The following ITGAD variants were observed in gnomAD, a reference collection of about 807,000 sequenced individuals.
ITGAD encodes the protein integrin alpha-D.
ITGAD carries 105 observed loss-of-function variants against 139.0 expected under a neutral mutation model. The ratio of observed to expected loss-of-function variants is 0.76; its 90% CI spans 0.65 to 0.89. The LOEUF (loss-of-function observed/expected upper bound fraction) is 0.89, where lower values mean the gene tolerates loss of function less well. ITGAD is among the 40% of genes least tolerant of loss of function. The pLI, the probability that ITGAD is intolerant of heterozygous loss-of-function variation, is 0.00. For synonymous variants in ITGAD, 569 were observed against 598.3 expected (o/e 0.95, Z 0.71); for missense variants, 1,384 against 1,487.3 (o/e 0.93, Z 1.14).
At position 31,408,485 on chromosome 16, in the gene ITGAD, C is replaced by T; in HGVS notation, c.1070C>T (p.Thr357Ile). The stretch of plus-strand genomic sequence containing the variant: ...GAGATGTCCCAAGAAGGCTTCAGCA[C>T]AGCCCTCACAATGGTGGGTAGAGCC... ...QHEMSQEGFS[T>I]ALTMDGLFLG... The change falls in exon 10 of 30, where the codon ACA becomes ATA. Residue 357 changes from threonine to isoleucine, a missense_variant. Transcript: ENST00000389202. 2 of 1,613,952 alleles carry T rather than the reference C, an allele frequency of 1.2e-6. No homozygotes were observed. The highest frequency in any genetic ancestry group is 2.7e-5 in the African/African-American group (2 of 75,056).
chr16:31,395,526 C>A (rs1410741709), intron 2 of ITGAD, among the ~76,000 whole-genome samples: 3 of 152,130 alleles, frequency 2.0e-5, no homozygotes, highest in East Asian at 1.9e-4. Context: ...TCTGGGAGTA[C>A]CCCGAGGGAG....
chr16:31,424,355 TC>T, intron 28 of ITGAD, 111 bp from the exon 29 acceptor site: 2 of 1,246,014 alleles, frequency 1.6e-6, no homozygotes, highest in East Asian at 4.7e-5. Context: ...TGCTACTGTG[TC>T]TCACTCCTTG....
In ITGAD at chr16:31,397,350, T is replaced by C; in HGVS notation, c.138-9T>C. On this transcript the variant is annotated splice_polypyrimidine_tract_variant and intron_variant, in intron 2 of 29. Coordinates refer to ENST00000389202, the MANE Select transcript of ITGAD (RefSeq NM_005353.3). ...GGCTGCAGTGACATGGCCATGGTTG[T>C]GTCTCCAGACTCGTGGTGGGAGCAC... is the stretch of plus-strand genomic sequence containing the variant. 1 of 1,577,172 alleles carries C rather than the reference T, an allele frequency of 6.3e-7. No homozygotes were observed. The highest frequency in any genetic ancestry group is 8.6e-7 in the Non-Finnish European group (1 of 1,158,658).
At chr16:31,415,092 C>T in intron 18 of ITGAD, 101 bp downstream of exon 18, 1 of 1,379,560 alleles carries the variant, frequency 7.2e-7, no homozygotes, top group South Asian at 1.3e-5. Context: ...ACATCCAGTC[C>T]AGAAACCTGA....
chr16:31,408,459 C>A lies in ITGAD; in HGVS notation c.1044C>A (p.His348Gln). The A allele has an allele frequency of 6.2e-7, 1 of 1,614,086 alleles. No individual in the cohort carries two copies. The highest frequency in any genetic ancestry group is 8.5e-7 in the Non-Finnish European group (1 of 1,179,982). ...CCAGGGCAAGCAGCTCCTTCCAGCA[C>A]GAGATGTCCCAAGAAGGCTTCAGCA... is the stretch of plus-strand genomic sequence containing the variant. ...TQSRASSSFQ[H>Q]EMSQEGFSTA... is the part of the protein sequence containing the mutation. Residue 348 changes from histidine (H) to glutamine (Q), a missense_variant, in exon 10 of 30, where the codon CAC becomes CAA. His to Gln is a conservative substitution (Grantham distance 24). Transcript: ENST00000389202.
rs1159870136 is a variant in ITGAD at position 31,410,720 on chromosome 16, G to A, written c.1214-16G>A. 1.2e-6 allele frequency: 2 copies of A among 1,607,276 alleles called. No homozygotes were observed. The highest frequency in any genetic ancestry group is 2.7e-5 in the African/African-American group (2 of 74,768). On this transcript the variant is annotated splice_polypyrimidine_tract_variant and intron_variant, in intron 11 of 29. Coordinates refer to ENST00000389202, the MANE Select transcript of ITGAD (RefSeq NM_005353.3). ...GGGGGAATGGGGGCCTTTGTGCTGAGGCCTGGGCCCCTCAGGTTACTCCAC... is the reference window on the plus strand; with the variant it reads ...GGGGGAATGGGGGCCTTTGTGCTGAAGCCTGGGCCCCTCAGGTTACTCCAC...
chr16:31,394,258 C>A lies in ITGAD; in HGVS notation c.54C>A (p.Phe18Leu). ...CAGTCCTGGCTTCTTATCATGGATT[C>A]AACCTGGATGTGGAGGAGCCTACGA... is the stretch of plus-strand genomic sequence containing the variant. ...LLSVLASYHG[F>L]NLDVEEPTIF... Residue 18 changes from phenylalanine to leucine, a missense_variant, in exon 2 of 30, where the codon TTC (phenylalanine) becomes TTA (leucine). Phe to Leu is a conservative substitution (Grantham distance 22). Transcript: ENST00000389202. 6.2e-7 allele frequency: 1 copy of A among 1,612,748 alleles called. No individual in the cohort carries two copies. The highest frequency in any genetic ancestry group is 1.1e-5 in the South Asian group (1 of 91,048).
Position 31,418,479 on chromosome 16 carries a change from A to G in ITGAD, c.2697-2A>G. On this transcript the variant is annotated splice_acceptor_variant, in intron 22 of 29. Coordinates refer to ENST00000389202, the MANE Select transcript of ITGAD (RefSeq NM_005353.3). LOFTEE classifies it high-confidence loss of function. ...CCATTGGTCCCTCCTTTCTGTCTCC[A>G]GTGAGAACAATAAGGCTTCAAGCAG... is the stretch of plus-strand genomic sequence containing the variant. 2.5e-6 allele frequency: 4 copies of G among 1,613,548 alleles called. No homozygotes were observed. The highest frequency in any genetic ancestry group is 3.4e-6 in the Non-Finnish European group (4 of 1,179,618).
At chr16:31,399,103 C>T (rs750217028) in intron 5 of ITGAD, among the ~76,000 whole-genome samples, 3 of 152,162 alleles carry the variant, frequency 2.0e-5, no homozygotes, top group Non-Finnish European at 2.9e-5. Flanking sequence ...GGGGACACCA[C>T]CATGACATCT....
chr16:31,422,485 TGAAGGGGCCCTCA>T (rs759579444), intron 23 of ITGAD, among the ~76,000 whole-genome samples: 1 of 152,090 alleles, frequency 6.6e-6, no homozygotes, highest in Non-Finnish European at 1.5e-5. Context: ...ATTCCCACCA[TGAAGGGGCCCTCA>T]CTCCATGTCT....
intron 2 of ITGAD, 149 bp downstream of exon 2, chr16:31,394,490 A>T (rs745324360): frequency 7.0e-6 from 4 of 574,480 alleles, no homozygotes; most frequent in Non-Finnish European, 1.2e-5. Flanking sequence ...TGACATCAGC[A>T]CCTATTATTC....
intron 7 of ITGAD, 110 bp from the exon 8 acceptor site, chr16:31,407,405 A>C (rs2081565044): frequency 9.8e-7 from 1 of 1,022,550 alleles, no homozygotes; most frequent in Admixed American, 2.4e-5. Context: ...GCCTGATAGA[A>C]TGTGAGGGTG....
chr16:31,423,094 C>T lies in ITGAD; in HGVS notation c.2781-20C>T. ...GGGACAGTTTCAGGGCTGTTTTTCACCCACAGGCTCTCTCTCCAGGCAGGA... is the reference window on the plus strand; with the variant it reads ...GGGACAGTTTCAGGGCTGTTTTTCATCCACAGGCTCTCTCTCCAGGCAGGA... On this transcript the variant is annotated intron_variant, in intron 23 of 29. Coordinates refer to ENST00000389202, the MANE Select transcript of ITGAD (RefSeq NM_005353.3). The T allele has an allele frequency of 6.2e-7, 1 of 1,608,582 alleles. No individual in the cohort carries two copies.
chr16:31,424,153 A>G lies in ITGAD; in HGVS notation c.3211A>G (p.Thr1071Ala), dbSNP rs1157057332. ...VVSVAEITFD[T>A]SVYSQLPGQE... Reference sequence around the variant, plus strand: ...GAGTGTGGCTGAAATTACGTTCGACACATCCGTGTACTCCCAGCTTCCAGG... The same window carrying G: ...GAGTGTGGCTGAAATTACGTTCGACGCATCCGTGTACTCCCAGCTTCCAGG... The change falls in exon 28 of 30, where the codon ACA becomes GCA. Residue 1071 changes from threonine (T) to alanine (A), a missense_variant. Thr to Ala is a moderately conservative substitution (Grantham distance 58, BLOSUM62 0). Transcript: ENST00000389202. 1.7e-5 allele frequency: 28 copies of G among 1,614,102 alleles called. No individual in the cohort carries two copies. Among genetic ancestry groups the G allele is most frequent in the Non-Finnish European group, 2.3e-5 (27 of 1,180,056 alleles).
At position 31,411,065 on chromosome 16, in the gene ITGAD, C is replaced by T. The variant is rs1472604552; in HGVS notation, c.1357-11C>T. On this transcript the variant is annotated splice_polypyrimidine_tract_variant and intron_variant, in intron 12 of 29. Transcript: ENST00000389202. ...TGGGACAGGCAGCATGACCCAGGCT[C>T]TGCCCTCCAGATCGGCTCCTACTTC... is the stretch of plus-strand genomic sequence containing the variant. 4 of 1,611,970 alleles carry T rather than the reference C, an allele frequency of 2.5e-6. No homozygotes were observed. Among genetic ancestry groups the T allele is most frequent in the Admixed American group, 3.3e-5 (2 of 59,976 alleles).
In ITGAD at chr16:31,412,913, C is replaced by A. The variant is rs777721333; in HGVS notation, c.1783C>A (p.Gln595Lys). 2 of 1,613,430 alleles carry A rather than the reference C, an allele frequency of 1.2e-6. No individual in the cohort carries two copies. Among genetic ancestry groups the A allele is most frequent in the Admixed American group, 1.7e-5 (1 of 59,866 alleles). The change falls in exon 15 of 30, where the codon CAG (glutamine) becomes AAG (lysine). Residue 595 changes from glutamine (Q) to lysine (K), a missense_variant. Gln to Lys is a moderately conservative substitution (Grantham distance 53, BLOSUM62 1). Transcript: ENST00000389202. ...QALSGGQDLT[Q>K]DGLMDLAVGA... Reference sequence around the variant, plus strand: ...GCTGAGTGGGGGTCAGGACCTCACCCAGGATGGACTGATGGACCTGGCCGT... The same window carrying A: ...GCTGAGTGGGGGTCAGGACCTCACCAAGGATGGACTGATGGACCTGGCCGT...
chr16:31,402,014 T>G, intron 5 of ITGAD, 101 bp from the exon 6 acceptor site: 1 of 1,336,150 alleles, frequency 7.5e-7, no homozygotes, highest in Non-Finnish European at 1.0e-6. Context: ...GGAAACTAGG[T>G]GGGGATGCCA....
intron 22 of ITGAD, 41 bp downstream of exon 22, chr16:31,418,421 C>T (rs1424295825): frequency 2.5e-6 from 4 of 1,606,752 alleles, no homozygotes; most frequent in Non-Finnish European, 3.4e-6. Context: ...CCATCGCATG[C>T]CCCGGCTAGA....
chr16:31,416,694 T>C (rs371701659), intron 20 of ITGAD, 48 bp downstream of exon 20: 4 of 1,557,970 alleles, frequency 2.6e-6, no homozygotes, highest in African/African-American at 1.4e-5. Flanking sequence ...TCCCCTGCCC[T>C]GTAGCCCCGG....
Sources: gnomAD v4.1 joint callset for allele counts (sites outside exome capture counted in the v4.1 genomes callset) on GRCh38, gnomAD v4.1.1 for gene constraint, MANE v1.5 for transcripts, NCBI Gene and HGNC (gene_info 2026-07-23, HGNC 2026-07-21) for gene names.